ANKRD13C: variants seen among roughly 807,000 people sequenced by gnomAD.
ANKRD13C encodes ankyrin repeat domain-containing protein 13C.
Under a neutral mutation model 65.5 loss-of-function variants are expected in ANKRD13C, and 16 were observed. The observed-to-expected ratio is 0.24, with a 90% CI of 0.17 to 0.37. The LOEUF is 0.37. Among genes scored for constraint, ANKRD13C ranks in the 10% least tolerant of loss-of-function variants. The pLI is 1.00. For missense variants in ANKRD13C, 503 were observed against 655.9 expected (o/e 0.77, Z 2.55); for synonymous variants, 235 against 238.7 (o/e 0.98, Z 0.14).
chr1:70,315,244 T>C (rs1572118192), intron 4 of ANKRD13C, among the ~76,000 whole-genome samples: 1 of 152,200 alleles, frequency 6.6e-6, no homozygotes, highest in African/African-American at 2.4e-5. Context: ...CCTTTTTTTT[T>C]CTTTAGAGCT....
chr1:70,327,964 C>T lies in ANKRD13C; in HGVS notation c.473-3007G>A, dbSNP rs1474504468. 2.0e-5 allele frequency among the ~76,000 whole-genome samples: 3 copies of T among 152,050 alleles called. No homozygotes were observed. In the South Asian group the frequency reaches 6.2e-4, roughly 31 times the overall value. On this transcript the variant is annotated intron_variant, in intron 2 of 12. Transcript: ENST00000370944. The stretch of plus-strand genomic sequence containing the variant: ...CCTGTAATCCCAGCTACTACGGAGG[C>T]TGAGGCAGGAGAGCTGCTTGAACCC...
intron 9 of ANKRD13C, among the ~76,000 whole-genome samples, chr1:70,289,534 C>T (rs780292506): frequency 6.6e-5 from 10 of 151,806 alleles, no homozygotes; most frequent in Non-Finnish European, 8.8e-5. Flanking sequence ...GCACGATCTC[C>T]GCTCACTGCA....
At chr1:70,310,385 C>T (rs1214541775) in intron 5 of ANKRD13C, among the ~76,000 whole-genome samples, 1 of 152,142 alleles carries the variant, frequency 6.6e-6, no homozygotes, top group African/African-American at 2.4e-5. Flanking sequence ...CAATGGGTTT[C>T]GTTTTAGAAT....
chr1:70,275,792 C>G (rs1339740387), intron 10 of ANKRD13C, among the ~76,000 whole-genome samples: 1 of 151,706 alleles, frequency 6.6e-6, no homozygotes, highest in Non-Finnish European at 1.5e-5. Flanking sequence ...GAAACCCTGT[C>G]TCTACTAAAA....
At chr1:70,327,893 G>T (rs1178840014) in intron 2 of ANKRD13C, among the ~76,000 whole-genome samples, 1 of 151,758 alleles carries the variant, frequency 6.6e-6, no homozygotes, top group Non-Finnish European at 1.5e-5. Flanking sequence ...GGTGAAACCT[G>T]TCTCTACTAA....
At chr1:70,330,163 AG>A (rs1194056286) in intron 2 of ANKRD13C, among the ~76,000 whole-genome samples, 2 of 152,108 alleles carry the variant, frequency 1.3e-5, no homozygotes, top group African/African-American at 2.4e-5. Context: ...TAAGAAAAGA[AG>A]GTAGTTAACA....
chr1:70,308,703 T>TG (rs1464335777), intron 5 of ANKRD13C, among the ~76,000 whole-genome samples: 2 of 142,058 alleles, frequency 1.4e-5, no homozygotes, highest in Non-Finnish European at 3.0e-5. Flanking sequence ...TGCGCCACTG[T>TG]GCTCCAGCCT....
At chr1:70,315,385 A>G in intron 4 of ANKRD13C, 96 bp downstream of exon 4, 1 of 1,046,876 alleles carries the variant, frequency 9.6e-7, no homozygotes, top group Non-Finnish European at 1.4e-6. Context: ...TTGGCCCCTA[A>G]TAAGTGAGAA....
intron 1 of ANKRD13C, among the ~76,000 whole-genome samples, chr1:70,336,532 A>C (rs1284809850): frequency 1.3e-5 from 2 of 152,138 alleles, no homozygotes; most frequent in African/African-American, 4.8e-5. Context: ...TTATTTATTA[A>C]ATAGAAGGGA....
chr1:70,278,024 A>T (rs1423462605), intron 9 of ANKRD13C, among the ~76,000 whole-genome samples: 2 of 138,214 alleles, frequency 1.4e-5, no homozygotes, highest in South Asian at 2.3e-4. Flanking sequence ...TCTGTTTCTT[A>T]AAAAAAAAAA....
Position 70,314,507 on chromosome 1 carries a change from G to C in ANKRD13C, c.664-717C>G, listed in dbSNP as rs935507287. On this transcript the variant is annotated intron_variant, in intron 4 of 12. Transcript: ENST00000370944. Reference sequence around the variant, plus strand: ...CCCAAAGTGCTGGGATTACAGGCGTGAGTCACCATGCCTGGCCGAAAAAAA... The same window carrying C: ...CCCAAAGTGCTGGGATTACAGGCGTCAGTCACCATGCCTGGCCGAAAAAAA... Among the ~76,000 whole-genome samples the C allele has an allele frequency of 2.0e-5, 3 of 151,754 alleles. No individual in the cohort carries two copies. The South Asian group carries it at 6.3e-4, about 32-fold the overall frequency.
intron 1 of ANKRD13C, among the ~76,000 whole-genome samples, chr1:70,343,952 A>T (rs759562216): frequency 3.3e-5 from 5 of 152,096 alleles, no homozygotes; most frequent in Admixed American, 1.3e-4. Context: ...GGAATTCAAC[A>T]CCAGTCCATG....
intron 9 of ANKRD13C, among the ~76,000 whole-genome samples, chr1:70,277,627 G>A (rs1247863120): frequency 1.3e-5 from 2 of 152,192 alleles, no homozygotes; most frequent in East Asian, 1.9e-4. Flanking sequence ...ATCTTCTGTG[G>A]GTAAAGATCA....
At chr1:70,322,443 T>G (rs1485081922) in intron 3 of ANKRD13C, among the ~76,000 whole-genome samples, 1 of 152,202 alleles carries the variant, frequency 6.6e-6, no homozygotes, top group Non-Finnish European at 1.5e-5. Flanking sequence ...CAATGGGATA[T>G]TATTTAGAAT....
intron 7 of ANKRD13C, among the ~76,000 whole-genome samples, chr1:70,299,067 T>G (rs953512247): frequency 3.3e-5 from 5 of 151,346 alleles, no homozygotes; most frequent in African/African-American, 1.2e-4. Context: ...AGAAGCTTTA[T>G]GGTTCCAGAT....
chr1:70,263,280 T>C (rs568766503), intron 12 of ANKRD13C, among the ~76,000 whole-genome samples: 2 of 152,318 alleles, frequency 1.3e-5, no homozygotes, highest in South Asian at 2.1e-4. Flanking sequence ...TAAAATACTC[T>C]AATCCTTTTC....
chr1:70,315,985 A>T (rs1237792498), intron 3 of ANKRD13C, among the ~76,000 whole-genome samples: 1 of 152,194 alleles, frequency 6.6e-6, no homozygotes, highest in South Asian at 2.1e-4. Context: ...CAAGATAACC[A>T]AACTCATTCA....
In ANKRD13C at chr1:70,336,043, A is replaced by G; in HGVS notation, c.472+15T>C. 1.2e-6 allele frequency: 1 copy of G among 801,836 alleles called. No homozygotes were observed. The highest frequency in any genetic ancestry group is 1.8e-6 in the Non-Finnish European group (1 of 567,844). The allele number at this position is 801,836 out of a possible 1,614,324, so 49.7% of individuals were successfully genotyped here. A position where few individuals can be genotyped will look rare whatever the true frequency, so the allele number is the denominator to read the frequency against. On this transcript the variant is annotated intron_variant, in intron 2 of 12. Transcript: ENST00000370944. ...TAAATGAAGTTAAACATAAAAAAAGAAAATATTTACTAACCTTTATTTCCT... is the reference window on the plus strand; with the variant it reads ...TAAATGAAGTTAAACATAAAAAAAGGAAATATTTACTAACCTTTATTTCCT...
At chr1:70,284,161 C>T (rs1224616648) in intron 9 of ANKRD13C, among the ~76,000 whole-genome samples, 1 of 151,994 alleles carries the variant, frequency 6.6e-6, no homozygotes, top group Non-Finnish European at 1.5e-5. Flanking sequence ...TAAGCCATTT[C>T]TTGCAGAAAT....
Sources: gnomAD v4.1 joint callset for allele counts (sites outside exome capture counted in the v4.1 genomes callset) on GRCh38, gnomAD v4.1.1 for gene constraint, MANE v1.5 for transcripts, NCBI Gene and HGNC (gene_info 2026-07-23, HGNC 2026-07-21) for gene names.